Variants in SYPL1 observed in about 807,000 individuals in gnomAD.
SYPL1 encodes synaptophysin like 1.
A neutral mutation model predicts 23.7 loss-of-function variants in SYPL1; 6 were observed. The observed-to-expected ratio is 0.25, with a 90% CI of 0.14 to 0.50. The LOEUF (loss-of-function observed/expected upper bound fraction) is 0.50. SYPL1 is among the 20% of genes least tolerant of loss of function. The pLI is 0.98. For missense variants in SYPL1, 253 were observed against 288.9 expected (o/e 0.88, Z 0.90); for synonymous variants, 102 against 104.5 (o/e 0.98, Z 0.15).
At chr7:106,106,994 T>C (rs1036195860) in intron 1 of SYPL1, among the ~76,000 whole-genome samples, 2 of 152,254 alleles carry the variant, frequency 1.3e-5, no homozygotes, top group African/African-American at 2.4e-5. Context: ...AGGATCTTCA[T>C]TGCTATTTAA....
chr7:106,103,106 C>T (rs1391052536), intron 1 of SYPL1, among the ~76,000 whole-genome samples: 2 of 151,904 alleles, frequency 1.3e-5, no homozygotes, highest in East Asian at 1.9e-4. Flanking sequence ...CTTGCTCACA[C>T]GTACTAAGAG....
At chr7:106,099,967 G>A (rs1840228817) in intron 1 of SYPL1, among the ~76,000 whole-genome samples, 1 of 152,162 alleles carries the variant, frequency 6.6e-6, no homozygotes, top group South Asian at 2.1e-4. Flanking sequence ...CAGCCCATAT[G>A]ACAATTCATT....
chr7:106,111,990 C>T (rs1585946933), intron 1 of SYPL1, 150 bp downstream of exon 1: 1 of 1,027,754 alleles, frequency 9.7e-7, no homozygotes, highest in Non-Finnish European at 1.2e-6. Flanking sequence ...CGCGGCCTCC[C>T]TGCCCTCCCT....
In SYPL1 at chr7:106,095,909, T is replaced by A. The variant is rs176488; in HGVS notation, c.402+1781A>T. Among the ~76,000 whole-genome samples the A allele has an allele frequency of 9.2e-5, 14 of 152,288 alleles. No individual in the cohort carries two copies. In the East Asian group the frequency reaches 1.3e-3, roughly 15 times the overall value. On this transcript the variant is annotated intron_variant, in intron 3 of 4. Transcript: ENST00000455385. The surrounding 1 kb of genome is among the most constrained non-coding windows in gnomAD (Gnocchi z 4.3). ...ACAAAAACCACCTACAAAAATAGAT[T>A]GGAATGCTGCTTTAAGAAGGGTAGT... is the stretch of plus-strand genomic sequence containing the variant.
intron 1 of SYPL1, among the ~76,000 whole-genome samples, chr7:106,108,400 G>A (rs1404369410): frequency 6.6e-6 from 1 of 152,046 alleles, no homozygotes; most frequent in Non-Finnish European, 1.5e-5. Flanking sequence ...TTTTCTTCAT[G>A]TGTTTTAGGA....
rs1839989557 is a variant in SYPL1, at chr7:106,095,780, T to C, written c.402+1910A>G. On this transcript the variant is annotated intron_variant, in intron 3 of 4. Coordinates refer to ENST00000455385, the MANE Select transcript of SYPL1 (RefSeq NM_182715.4). The surrounding 1 kb of genome is among the most constrained non-coding windows in gnomAD (Gnocchi z 4.3). ...ACAATAAAAACCTACTTAAGGAATT[T>C]TGGATTATCTCTTTATATGACCACT... 6.6e-6 allele frequency among the ~76,000 whole-genome samples: 1 copy of C among 152,210 alleles called. No homozygotes were observed. The highest frequency in any genetic ancestry group is 1.5e-5 in the Non-Finnish European group (1 of 68,042).
chr7:106,105,341 C>T (rs1840537428), intron 1 of SYPL1, among the ~76,000 whole-genome samples: 1 of 151,454 alleles, frequency 6.6e-6, no homozygotes, highest in Admixed American at 6.6e-5. Flanking sequence ...TACTCCTACC[C>T]CATGAAGAAT....
At chr7:106,107,280 T>C (rs532319794) in intron 1 of SYPL1, among the ~76,000 whole-genome samples, 2 of 152,362 alleles carry the variant, frequency 1.3e-5, no homozygotes, top group African/African-American at 4.8e-5. Flanking sequence ...ACTAAAGTTA[T>C]TCATTTCAAA....
intron 1 of SYPL1, among the ~76,000 whole-genome samples, chr7:106,106,624 C>G (rs1002784923): frequency 6.6e-6 from 1 of 150,900 alleles, no homozygotes; most frequent in Admixed American, 6.6e-5. Flanking sequence ...GGCAGGTGAT[C>G]GTTTGAGCCC....
At chr7:106,111,538 T>C (rs1203723487) in intron 1 of SYPL1, among the ~76,000 whole-genome samples, 1 of 152,246 alleles carries the variant, frequency 6.6e-6, no homozygotes, top group Non-Finnish European at 1.5e-5. Flanking sequence ...TAACGTGTTA[T>C]TAAGTGAACC....
chr7:106,096,545 T>A lies in SYPL1; in HGVS notation c.402+1145A>T, dbSNP rs889722442. On this transcript the variant is annotated intron_variant, in intron 3 of 4. Transcript: ENST00000455385. The surrounding 1 kb of genome is among the most constrained non-coding windows in gnomAD (Gnocchi z 4.4). Reference sequence around the variant, plus strand: ...ATAGTGGAGGTGTAGCTTAAAACCATGATTTCTCTCTGGATTTGCCACCAA... The same window carrying A: ...ATAGTGGAGGTGTAGCTTAAAACCAAGATTTCTCTCTGGATTTGCCACCAA... Among the ~76,000 whole-genome samples, 8 of 152,220 alleles carry A rather than the reference T, an allele frequency of 5.3e-5. No individual in the cohort carries two copies. Among genetic ancestry groups the A allele is most frequent in the Admixed American group, 1.3e-4 (2 of 15,282 alleles).
At chr7:106,092,794 T>A (rs1839806769) in intron 4 of SYPL1, 155 bp downstream of exon 4, 1 of 668,238 alleles carries the variant, frequency 1.5e-6, no homozygotes, top group Non-Finnish European at 2.4e-6. Flanking sequence ...TTAGACAAAC[T>A]TTTCTTCACT....
upstream of SYPL1, chr7:106,112,570 G>T: frequency 6.7e-7 from 1 of 1,487,508 alleles, no homozygotes. Context: ...TTCAGCCCCT[G>T]GCACTCGGTC....
At chr7:106,106,861 T>A (rs141779446) in intron 1 of SYPL1, among the ~76,000 whole-genome samples, 47 of 152,218 alleles carry the variant, frequency 3.1e-4, no homozygotes, top group African/African-American at 1.0e-3. Context: ...AATAAATAAA[T>A]AAAATTTAAA....
chr7:106,104,975 G>A lies in SYPL1; in HGVS notation c.70-5693C>T, dbSNP rs1442101394. Reference sequence around the variant, plus strand: ...ATCAGGGTATTACACATAAAAATTTGGATTTCCTGCTTTTCCTGAGTGTGT... The same window carrying A: ...ATCAGGGTATTACACATAAAAATTTAGATTTCCTGCTTTTCCTGAGTGTGT... On this transcript the variant is annotated intron_variant, in intron 1 of 4. Coordinates refer to ENST00000455385, the MANE Select transcript of SYPL1 (RefSeq NM_182715.4). This position sits in a 1 kb window ranked among gnomAD's most constrained non-coding sequence, Gnocchi z 4.1. Among the ~76,000 whole-genome samples, 1 of 152,138 alleles carries A rather than the reference G, an allele frequency of 6.6e-6. No individual in the cohort carries two copies. The highest frequency in any genetic ancestry group is 1.5e-5 in the Non-Finnish European group (1 of 68,030).
chr7:106,104,012 T>C lies in SYPL1; in HGVS notation c.70-4730A>G, dbSNP rs1840459160. On this transcript the variant is annotated intron_variant, in intron 1 of 4. Transcript: ENST00000455385. The surrounding 1 kb of genome is among the most constrained non-coding windows in gnomAD (Gnocchi z 4.1). ...CTGCAGTCTATTCACTGCCAGGTAC[T>C]GTATGATTCTGTCACATTATACTGC... is the stretch of plus-strand genomic sequence containing the variant. 5.3e-5 allele frequency among the ~76,000 whole-genome samples: 8 copies of C among 152,256 alleles called. No homozygotes were observed. Among genetic ancestry groups the C allele is most frequent in the Admixed American group, 5.2e-4 (8 of 15,276 alleles).
chr7:106,102,774 C>T (rs1478198055), intron 1 of SYPL1, among the ~76,000 whole-genome samples: 7 of 152,206 alleles, frequency 4.6e-5, no homozygotes, highest in Non-Finnish European at 8.8e-5. Context: ...CTAAGCTCGG[C>T]GTAATTTGTT....
In SYPL1 at chr7:106,111,961, C is replaced by T. The variant is rs1010780501; in HGVS notation, c.69+179G>A. ...GATTCGACGCCCGCCGCGGCGTCTC[C>T]GCCCCGCGCGGCCCAGGCCGCGGCC... On this transcript the variant is annotated intron_variant, in intron 1 of 4. Coordinates refer to ENST00000455385, the MANE Select transcript of SYPL1 (RefSeq NM_182715.4). 6.5e-6 allele frequency: 5 copies of T among 774,674 alleles called. No homozygotes were observed. The African/African-American group carries it at 7.4e-5, about 11-fold the overall frequency. 48.0% of individuals were successfully genotyped at this position (774,674 alleles called of 1,614,324 possible).
intron 3 of SYPL1, chr7:106,093,401 C>A: frequency 2.7e-6 from 1 of 364,856 alleles, no homozygotes; most frequent in Non-Finnish European, 4.9e-6. Flanking sequence ...AAGTTTTATA[C>A]AGCCTTCAAC....
Sources: allele counts gnomAD v4.1 joint callset (sites outside exome capture counted in the v4.1 genomes callset), GRCh38; gene constraint gnomAD v4.1.1; non-coding constraint Gnocchi (gnomAD v3.1); transcripts MANE v1.5; gene names NCBI Gene and HGNC (gene_info 2026-07-23, HGNC 2026-07-21).